Variants in CACNB4 observed in about 807,000 individuals in gnomAD.
The protein encoded by CACNB4 is voltage-dependent L-type calcium channel subunit beta-4.
CACNB4 carries 32 observed loss-of-function variants against 71.2 expected under a neutral mutation model. The observed-to-expected ratio is 0.45, with a 90% CI of 0.34 to 0.60. CACNB4 has a LOEUF of 0.60. Ranked by LOEUF, CACNB4 falls within the 20% of genes least tolerant of loss-of-function variation. CACNB4 has a pLI of 0.01. For missense variants in CACNB4, 464 were observed against 647.9 expected (o/e 0.72, Z 3.08); for synonymous variants, 231 against 236.9 (o/e 0.97, Z 0.23).
chr2:151,888,372 G>GGTCA (rs1044609600), intron 2 of CACNB4, among the ~76,000 whole-genome samples: 8 of 151,826 alleles, frequency 5.3e-5, no homozygotes, highest in Non-Finnish European at 1.0e-4. Context: ...GACCAGCCTA[G>GGTCA]GTCACATAGT....
chr2:151,870,376 C>T, intron 8 of CACNB4, 155 bp downstream of exon 8: 1 of 714,082 alleles, frequency 1.4e-6, no homozygotes, highest in Non-Finnish European at 2.6e-6. Context: ...GGCAGAGGGC[C>T]TCATGAGCCC....
intron 2 of CACNB4, among the ~76,000 whole-genome samples, chr2:151,978,984 G>A (rs145268600): frequency 5.3e-4 from 81 of 152,078 alleles, no homozygotes; most frequent in African/African-American, 1.9e-3. Flanking sequence ...CCCACTGAAC[G>A]CTGTGTGTTT....
intron 2 of CACNB4, among the ~76,000 whole-genome samples, chr2:152,068,251 C>G (rs1423189816): frequency 3.3e-5 from 5 of 152,156 alleles, no homozygotes; most frequent in Non-Finnish European, 1.5e-5. Flanking sequence ...CTCTCCCTTC[C>G]TCTTGCTAGA....
intron 2 of CACNB4, among the ~76,000 whole-genome samples, chr2:151,977,169 G>A (rs2099873966): frequency 6.6e-6 from 1 of 152,174 alleles, no homozygotes; most frequent in African/African-American, 2.4e-5. Context: ...ATAGCCTCAA[G>A]GAGGCTGCCT....
intron 6 of CACNB4, chr2:151,871,592 T>G (rs1396111825): frequency 2.0e-5 from 3 of 152,408 alleles, no homozygotes; most frequent in Non-Finnish European, 2.9e-5. Context: ...AAACCTGGTT[T>G]GGTTCAGTGT....
chr2:151,869,117 A>G (rs2099843940), intron 9 of CACNB4, 60 bp downstream of exon 9: 13 of 963,560 alleles, frequency 1.3e-5, no homozygotes, highest in Middle Eastern at 2.2e-4. Context: ...CTACAATTCA[A>G]TTTATCACAC....
chr2:151,852,064 G>A (rs2099839189), intron 12 of CACNB4: 1 of 152,192 alleles, frequency 6.6e-6, no homozygotes, highest in African/African-American at 2.4e-5. Context: ...GTACATGTGT[G>A]TATGGGTGGA....
At chr2:152,055,309 G>T (rs899527304) in intron 2 of CACNB4, among the ~76,000 whole-genome samples, 1 of 152,204 alleles carries the variant, frequency 6.6e-6, no homozygotes, top group Non-Finnish European at 1.5e-5. Flanking sequence ...ACCATGCCTG[G>T]TCTTCTTCTT....
chr2:151,891,874 G>C (rs752568826), intron 2 of CACNB4, among the ~76,000 whole-genome samples: 1 of 152,142 alleles, frequency 6.6e-6, no homozygotes, highest in Non-Finnish European at 1.5e-5. Flanking sequence ...CTGAGCAGCT[G>C]ATCTAGAAAC....
At chr2:152,005,516 T>C (rs745994659) in intron 2 of CACNB4, among the ~76,000 whole-genome samples, 2 of 151,994 alleles carry the variant, frequency 1.3e-5, no homozygotes, top group Non-Finnish European at 2.9e-5. Flanking sequence ...AATGGAGACT[T>C]CAAAAGGAGG....
intron 6 of CACNB4, chr2:151,872,062 T>G: frequency 7.4e-6 from 2 of 270,076 alleles, no homozygotes. Flanking sequence ...AGCATTTTCT[T>G]GAGAGTCTGC....
chr2:151,881,971 C>T (rs1407679060), intron 3 of CACNB4, among the ~76,000 whole-genome samples: 1 of 147,890 alleles, frequency 6.8e-6, no homozygotes, highest in Non-Finnish European at 1.5e-5. Flanking sequence ...ACCTCTGCCT[C>T]CTGGGTTCAA....
At chr2:151,982,243 C>T (rs1288460278) in intron 2 of CACNB4, among the ~76,000 whole-genome samples, 2 of 152,104 alleles carry the variant, frequency 1.3e-5, no homozygotes, top group African/African-American at 4.8e-5. Flanking sequence ...GAAATTATAC[C>T]TCACAGCCTC....
chr2:151,875,314 G>C (rs1349754336), intron 5 of CACNB4, among the ~76,000 whole-genome samples: 4 of 148,086 alleles, frequency 2.7e-5, no homozygotes, highest in African/African-American at 1.0e-4. Context: ...TTGGGGGTAA[G>C]GTCATAGATC....
intron 2 of CACNB4, among the ~76,000 whole-genome samples, chr2:151,934,105 G>A (rs2099862325): frequency 6.8e-6 from 1 of 147,694 alleles, no homozygotes; most frequent in Non-Finnish European, 1.5e-5. Context: ...CCAGCTAGCT[G>A]CTTTCTAGGT....
intron 2 of CACNB4, among the ~76,000 whole-genome samples, chr2:152,023,235 G>A (rs933170827): frequency 2.6e-5 from 4 of 151,980 alleles, no homozygotes; most frequent in Non-Finnish European, 4.4e-5. Context: ...CAGCATGGGG[G>A]ATACTGCCCC....
intron 2 of CACNB4, among the ~76,000 whole-genome samples, chr2:151,993,632 T>G (rs1681851535): frequency 6.6e-6 from 1 of 151,366 alleles, no homozygotes; most frequent in African/African-American, 2.4e-5. Flanking sequence ...TAGCACAATC[T>G]TGGCCCACTG....
At chr2:151,910,207 T>G (rs935620079) in intron 2 of CACNB4, among the ~76,000 whole-genome samples, 4 of 152,208 alleles carry the variant, frequency 2.6e-5, no homozygotes, top group African/African-American at 9.7e-5. Context: ...TCCTATCCTT[T>G]GCCCACTTTT....
chr2:152,047,805 A>G lies in CACNB4; in HGVS notation c.147+50525T>C, dbSNP rs978757102. Among the ~76,000 whole-genome samples the G allele has an allele frequency of 5.9e-5, 9 of 152,198 alleles. No homozygotes were observed. The East Asian group carries it at 1.2e-3, about 20-fold the overall frequency. On this transcript the variant is annotated intron_variant, in intron 2 of 13. Transcript: ENST00000539935. ...TCTCAGCTACTCAGGAGTCTGAGGC[A>G]GGTGAATTGCTTGAACCTGGGAAGT...
Sources: allele counts gnomAD v4.1 joint callset (sites outside exome capture counted in the v4.1 genomes callset), GRCh38; gene constraint gnomAD v4.1.1; transcripts MANE v1.5; gene names NCBI Gene and HGNC (gene_info 2026-07-23, HGNC 2026-07-21).